The following GABRG3 variants were observed in gnomAD, a reference collection of about 807,000 sequenced individuals.
The protein encoded by GABRG3 is gamma-aminobutyric acid type A receptor subunit gamma3.
A neutral mutation model predicts 48.8 loss-of-function variants in GABRG3; 25 were observed. That is an observed-to-expected ratio of 0.51 (90% CI 0.37 to 0.72). GABRG3 has a LOEUF of 0.72. GABRG3 is among the 30% of genes least tolerant of loss of function. The pLI is 0.00. For synonymous variants in GABRG3, 227 were observed against 217.6 expected, an observed-to-expected ratio of 1.04 and a Z score of -0.38; for missense variants, 394 against 577.9, an observed-to-expected ratio of 0.68 and a Z score of 3.26.
At chr15:27,071,789 A>G (rs906662864) in intron 3 of GABRG3, among the ~76,000 whole-genome samples, 4 of 152,218 alleles carry the variant, frequency 2.6e-5, no homozygotes, top group Non-Finnish European at 5.9e-5. Context: ...TTGTTAAGGT[A>G]TTACCTTCTT....
intron 3 of GABRG3, among the ~76,000 whole-genome samples, chr15:27,308,790 AAAC>A (rs1892870234): frequency 6.7e-6 from 1 of 150,174 alleles, no homozygotes; most frequent in Non-Finnish European, 1.5e-5. Context: ...AACACAATGT[AAAC>A]ATACGTTTAT....
chr15:27,114,743 T>C (rs1897612830), intron 3 of GABRG3, among the ~76,000 whole-genome samples: 2 of 152,062 alleles, frequency 1.3e-5, no homozygotes, highest in Middle Eastern at 3.4e-3. Flanking sequence ...GACTAGATAA[T>C]GAAAGGTGCA....
chr15:27,300,254 T>G, intron 3 of GABRG3, among the ~76,000 whole-genome samples: 1 of 152,146 alleles, frequency 6.6e-6, no homozygotes, highest in East Asian at 1.9e-4. Flanking sequence ...CAAAATTACT[T>G]GGCATATGGA....
intron 5 of GABRG3, among the ~76,000 whole-genome samples, chr15:27,408,028 C>G (rs1209514499): frequency 6.6e-6 from 1 of 152,020 alleles, no homozygotes; most frequent in East Asian, 1.9e-4. Flanking sequence ...AATGGGGAGG[C>G]CATGCATGTG....
chr15:27,020,156 T>C (rs1895861442), intron 2 of GABRG3, among the ~76,000 whole-genome samples: 1 of 152,108 alleles, frequency 6.6e-6, no homozygotes, highest in African/African-American at 2.4e-5. Context: ...TTCGAGATGA[T>C]AGAGCTGGTG....
At chr15:27,112,281 A>C (rs566923345) in intron 3 of GABRG3, among the ~76,000 whole-genome samples, 46 of 152,246 alleles carry the variant, frequency 3.0e-4, no homozygotes, top group African/African-American at 1.1e-3. Flanking sequence ...GGATTTAGAA[A>C]GGTCAGTGAT....
intron 5 of GABRG3, among the ~76,000 whole-genome samples, chr15:27,377,167 C>A (rs140116250): frequency 6.6e-6 from 1 of 152,330 alleles, no homozygotes; most frequent in African/African-American, 2.4e-5. Context: ...TTCTCATCTC[C>A]ATCTGAAACC....
At chr15:27,231,859 A>T (rs1395454685) in intron 3 of GABRG3, among the ~76,000 whole-genome samples, 2 of 152,188 alleles carry the variant, frequency 1.3e-5, no homozygotes, top group African/African-American at 4.8e-5. Flanking sequence ...AACATATTAA[A>T]TTTTTTTAAC....
chr15:27,016,668 C>A (rs370584803), intron 2 of GABRG3, among the ~76,000 whole-genome samples: 1 of 152,084 alleles, frequency 6.6e-6, no homozygotes, highest in Non-Finnish European at 1.5e-5. Flanking sequence ...AAGTTTTCAG[C>A]CATTATTTCT....
At chr15:27,347,017 G>GTTTT (rs369370392) in intron 5 of GABRG3, among the ~76,000 whole-genome samples, 150,294 of 151,738 alleles carry the variant, frequency 0.99, 74,440 homozygotes, top group South Asian at 1. Flanking sequence ...ATGCCTTATA[G>GTTTT]TTTTTTAAAG....
intron 6 of GABRG3, among the ~76,000 whole-genome samples, chr15:27,517,813 T>A (rs763978483): frequency 3.3e-5 from 5 of 152,170 alleles, no homozygotes; most frequent in Non-Finnish European, 7.3e-5. Flanking sequence ...TCACATTACA[T>A]TAAAATATAT....
At chr15:27,377,322 A>G (rs893800956) in intron 5 of GABRG3, among the ~76,000 whole-genome samples, 3 of 152,160 alleles carry the variant, frequency 2.0e-5, no homozygotes, top group Non-Finnish European at 2.9e-5. Flanking sequence ...GCCTGTCACC[A>G]ATTTCCAAAG....
chr15:27,378,597 T>C (rs1212627436), intron 5 of GABRG3, among the ~76,000 whole-genome samples: 1 of 152,228 alleles, frequency 6.6e-6, no homozygotes, highest in Non-Finnish European at 1.5e-5. Flanking sequence ...ATCTAATATG[T>C]CATGCATTTT....
intron 3 of GABRG3, among the ~76,000 whole-genome samples, chr15:27,246,435 G>A (rs1890272955): frequency 6.6e-6 from 1 of 152,104 alleles, no homozygotes; most frequent in African/African-American, 2.4e-5. Context: ...GAAGCAATGT[G>A]CAAAGATAAA....
At chr15:27,292,768 C>T (rs563075374) in intron 3 of GABRG3, among the ~76,000 whole-genome samples, 1 of 152,212 alleles carries the variant, frequency 6.6e-6, no homozygotes, top group South Asian at 2.1e-4. Flanking sequence ...AGCAACTTTT[C>T]CGAAGTTGTT....
At chr15:27,064,894 C>CT (rs1896711548) in intron 3 of GABRG3, among the ~76,000 whole-genome samples, 1 of 152,214 alleles carries the variant, frequency 6.6e-6, no homozygotes, top group African/African-American at 2.4e-5. Flanking sequence ...TCATGACCAT[C>CT]TAAACATCTT....
At chr15:27,027,598 G>A (rs117328796) in intron 3 of GABRG3, among the ~76,000 whole-genome samples, 3,651 of 152,258 alleles carry the variant, frequency 0.024, 65 homozygotes, top group Non-Finnish European at 0.037. Flanking sequence ...TAGCAAAATC[G>A]TTTCTTTTCA....
At chr15:27,388,247 A>T (rs1392034490) in intron 5 of GABRG3, among the ~76,000 whole-genome samples, 5 of 17,484 alleles carry the variant, frequency 2.9e-4, no homozygotes, top group Non-Finnish European at 4.7e-4. Flanking sequence ...GGAGGGAGGA[A>T]AGGAAGGAAG....
intron 3 of GABRG3, among the ~76,000 whole-genome samples, chr15:27,070,159 G>A (rs183319674): frequency 1.4e-4 from 21 of 152,364 alleles, no homozygotes; most frequent in Non-Finnish European, 2.8e-4. Flanking sequence ...TTCCACTTAT[G>A]TCATCTTGTC....
Sources: gnomAD v4.1 joint callset for allele counts (sites outside exome capture counted in the v4.1 genomes callset) on GRCh38, gnomAD v4.1.1 for gene constraint, MANE v1.5 for transcripts, NCBI Gene and HGNC (gene_info 2026-07-23, HGNC 2026-07-21) for gene names.